Variants in AP4S1 observed in about 807,000 individuals in gnomAD.
AP4S1 encodes the protein adaptor related protein complex 4 subunit sigma 1.
AP4S1 carries 23 observed loss-of-function variants against 19.8 expected under a neutral mutation model. The ratio of observed to expected loss-of-function variants is 1.16; its 90% CI spans 0.84 to 1.65. AP4S1 has a LOEUF of 1.65. AP4S1 is among the 40% of genes most tolerant of loss of function. AP4S1 has a pLI of 0.00. For synonymous variants in AP4S1, 46 were observed against 54.1 expected (o/e 0.85, Z 0.66); for missense variants, 166 against 172.8 (o/e 0.96, Z 0.22).
rs1035227588 is a variant in AP4S1 at position 31,094,530 on chromosome 14, G to A, written c.*1495G>A. The A allele has an allele frequency of 2.0e-5, 3 of 152,442 alleles. No homozygotes were observed. Among genetic ancestry groups the A allele is most frequent in the African/African-American group, 7.2e-5 (3 of 41,440 alleles). The allele number at this position is 152,442 out of a possible 1,614,324, so 9.4% of individuals were successfully genotyped here. On this transcript the variant is annotated 3_prime_UTR_variant, in exon 6 of 6. Coordinates refer to ENST00000542754, the MANE Select transcript of AP4S1 (RefSeq NM_001128126.3). ...AGATTTCTTGAGCCCAGGAGTTCGA[G>A]TCTGCAGTGAGCTATGATCGTGTCA...
intron 1 of AP4S1, chr14:31,025,994 A>G (rs1399834604): frequency 1.9e-6 from 3 of 1,564,572 alleles, no homozygotes; most frequent in Non-Finnish European, 2.6e-6. Flanking sequence ...TCCCCGGGAT[A>G]GTGTACTGCT....
chr14:31,082,811 G>T (rs1275775079), intron 5 of AP4S1, among the ~76,000 whole-genome samples: 1 of 152,048 alleles, frequency 6.6e-6, no homozygotes, highest in Non-Finnish European at 1.5e-5. Context: ...CAGGAGAATG[G>T]CGTGAACCCG....
intron 1 of AP4S1, among the ~76,000 whole-genome samples, chr14:31,039,279 A>G (rs1884958655): frequency 2.0e-5 from 3 of 150,850 alleles, no homozygotes; most frequent in Admixed American, 2.0e-4. Context: ...TCCACCTCCC[A>G]GGTTCATGCA....
rs577267284 is a variant in AP4S1 at position 31,082,846 on chromosome 14, A to C, written c.306+2262A>C. 5.1e-3 allele frequency among the ~76,000 whole-genome samples: 774 copies of C among 151,708 alleles called. 6 individuals carry two copies. The highest frequency in any genetic ancestry group is 8.7e-3 in the Non-Finnish European group (591 of 67,890). ...GGGAGGCGGAGCTTGCAGTGAGCCGAGATTGCGCCACTGCACTCCAGCCTG... is the reference window on the plus strand; with the variant it reads ...GGGAGGCGGAGCTTGCAGTGAGCCGCGATTGCGCCACTGCACTCCAGCCTG... On this transcript the variant is annotated intron_variant, in intron 5 of 5. Coordinates refer to ENST00000542754, the MANE Select transcript of AP4S1 (RefSeq NM_001128126.3).
At chr14:31,083,224 A>T (rs1438979870) in intron 5 of AP4S1, among the ~76,000 whole-genome samples, 1 of 152,144 alleles carries the variant, frequency 6.6e-6, no homozygotes, top group Non-Finnish European at 1.5e-5. Context: ...TTACGTCAAG[A>T]TACACAATTT....
chr14:31,059,958 TG>T (rs1390475773), intron 1 of AP4S1, among the ~76,000 whole-genome samples: 1 of 132,642 alleles, frequency 7.5e-6, no homozygotes, highest in African/African-American at 2.7e-5. Context: ...TATTTATTTA[TG>T]TATATATATG....
At chr14:31,046,474 T>C (rs1178867468) in intron 1 of AP4S1, among the ~76,000 whole-genome samples, 2 of 152,222 alleles carry the variant, frequency 1.3e-5, no homozygotes, top group Non-Finnish European at 2.9e-5. Flanking sequence ...AGTTTTCTAC[T>C]GTATGGATAT....
rs544119420 is a variant in AP4S1 at position 31,090,877 on chromosome 14, T to C, written c.307-2030T>C. Among the ~76,000 whole-genome samples the C allele has an allele frequency of 2.6e-5, 4 of 152,350 alleles. No homozygotes were observed. The East Asian group carries it at 7.7e-4, about 29-fold the overall frequency. The stretch of plus-strand genomic sequence containing the variant: ...TTGGATTTGGTCTGTAGTTTCCCCA[T>C]ATAGTGCCAGAAAGCTGCATGATTA... On this transcript the variant is annotated intron_variant, in intron 5 of 5. Coordinates refer to ENST00000542754, the MANE Select transcript of AP4S1 (RefSeq NM_001128126.3).
At chr14:31,062,183 C>T (rs926253331) in intron 1 of AP4S1, among the ~76,000 whole-genome samples, 5 of 152,074 alleles carry the variant, frequency 3.3e-5, no homozygotes, top group Non-Finnish European at 7.4e-5. Flanking sequence ...ACTGCAAACT[C>T]CACCTCCCAG....
intron 1 of AP4S1, among the ~76,000 whole-genome samples, chr14:31,063,921 A>T (rs566093708): frequency 1.3e-5 from 2 of 152,332 alleles, no homozygotes; most frequent in African/African-American, 4.8e-5. Context: ...TACTCATCTT[A>T]GTTTTTTGCA....
chr14:31,052,563 A>G (rs1223140333), intron 1 of AP4S1, among the ~76,000 whole-genome samples: 2 of 151,780 alleles, frequency 1.3e-5, no homozygotes, highest in Admixed American at 1.3e-4. Flanking sequence ...CTTTTCTACT[A>G]AAAATACAAA....
At chr14:31,039,765 A>G (rs1885003526) in intron 1 of AP4S1, among the ~76,000 whole-genome samples, 2 of 150,748 alleles carry the variant, frequency 1.3e-5, no homozygotes, top group Admixed American at 6.6e-5. Context: ...TAATTTTTGT[A>G]TTTTTAGTAG....
At chr14:31,081,197 T>C (rs139437239) in intron 5 of AP4S1, among the ~76,000 whole-genome samples, 3 of 152,302 alleles carry the variant, frequency 2.0e-5, no homozygotes, top group African/African-American at 7.2e-5. Context: ...GAATAGGCAT[T>C]TTCAAAATTT....
intron 1 of AP4S1, among the ~76,000 whole-genome samples, chr14:31,030,373 T>C (rs183734096): frequency 6.6e-6 from 1 of 152,328 alleles, no homozygotes; most frequent in Non-Finnish European, 1.5e-5. Flanking sequence ...TTTTGCTTTA[T>C]TCCTTTCTAT....
At chr14:31,085,203 C>T in intron 5 of AP4S1, 2 of 1,092,670 alleles carry the variant, frequency 1.8e-6, no homozygotes, top group Non-Finnish European at 2.2e-6. Context: ...GCTTGACCAT[C>T]CTCTGACTTC....
intron 1 of AP4S1, among the ~76,000 whole-genome samples, chr14:31,058,721 C>G (rs756049665): frequency 6.6e-6 from 1 of 150,932 alleles, no homozygotes; most frequent in South Asian, 2.1e-4. Flanking sequence ...GTACACACCG[C>G]GATGCCTGGC....
chr14:31,026,051 G>A, intron 1 of AP4S1: 3 of 1,530,568 alleles, frequency 2.0e-6, no homozygotes, highest in East Asian at 2.6e-5. Context: ...CTCCCTCGGA[G>A]GCCGGAGGAC....
chr14:31,026,209 C>A (rs1435305240), intron 1 of AP4S1: 2 of 1,392,460 alleles, frequency 1.4e-6, no homozygotes, highest in Non-Finnish European at 1.8e-6. Context: ...CCGGCCGGGG[C>A]GCAGGGCGAG....
chr14:31,092,526 T>C (rs577746906), intron 5 of AP4S1, among the ~76,000 whole-genome samples: 7 of 152,294 alleles, frequency 4.6e-5, no homozygotes, highest in African/African-American at 1.7e-4. Context: ...AACGGGAGTA[T>C]TCAACAAATC....
Sources: allele counts gnomAD v4.1 joint callset (sites outside exome capture counted in the v4.1 genomes callset), GRCh38; gene constraint gnomAD v4.1.1; transcripts MANE v1.5; gene names NCBI Gene and HGNC (gene_info 2026-07-23, HGNC 2026-07-21).